Variants in SWT1 observed in about 807,000 individuals in gnomAD.
SWT1 encodes the protein transcriptional protein SWT1.
A neutral mutation model predicts 107.3 loss-of-function variants in SWT1; 33 were observed. The ratio of observed to expected loss-of-function variants is 0.31; its 90% CI spans 0.23 to 0.41. The LOEUF (loss-of-function observed/expected upper bound fraction) is 0.41, where lower values mean the gene tolerates loss of function less well. Among genes scored for constraint, SWT1 ranks in the 10% least tolerant of loss-of-function variants. The pLI is 1.00. For missense variants in SWT1, 898 were observed against 1,028.9 expected (o/e 0.87, Z 1.74); for synonymous variants, 345 against 348.3 (o/e 0.99, Z 0.11).
chr1:185,202,598 G>A (rs2102453596), intron 10 of SWT1, 56 bp from the exon 11 acceptor site: 1 of 1,479,168 alleles, frequency 6.8e-7, no homozygotes, highest in East Asian at 2.3e-5. Context: ...GATTTGCCAT[G>A]TGGTTTACCT....
chr1:185,208,377 A>G (rs977542300), intron 13 of SWT1, among the ~76,000 whole-genome samples: 4 of 152,176 alleles, frequency 2.6e-5, no homozygotes, highest in Non-Finnish European at 4.4e-5. Context: ...GTAGGGGATG[A>G]TAAGAGATTG....
At chr1:185,181,856 C>G (rs1239135982) in intron 6 of SWT1, 90 bp from the exon 7 acceptor site, 10 of 1,413,248 alleles carry the variant, frequency 7.1e-6, no homozygotes, top group Non-Finnish European at 7.8e-6. Context: ...TAAACCATCT[C>G]AAGTGAATTA....
At chr1:185,168,521 T>A in intron 4 of SWT1, 123 bp downstream of exon 4, 1 of 379,588 alleles carries the variant, frequency 2.6e-6, no homozygotes, top group Non-Finnish European at 4.5e-6. Context: ...TCTCTAGCTA[T>A]ATAACTGATT....
At chr1:185,172,322 A>G (rs1378366861) in intron 4 of SWT1, among the ~76,000 whole-genome samples, 1 of 152,210 alleles carries the variant, frequency 6.6e-6, no homozygotes, top group Non-Finnish European at 1.5e-5. Flanking sequence ...TGTTGAGACC[A>G]TATTATATGT....
At chr1:185,195,074 G>A (rs1657269193) in intron 10 of SWT1, among the ~76,000 whole-genome samples, 1 of 152,012 alleles carries the variant, frequency 6.6e-6, no homozygotes, top group African/African-American at 2.4e-5. Context: ...AGGTATACAC[G>A]TGCCATGGTG....
chr1:185,243,455 A>G (rs1172808285), intron 16 of SWT1, among the ~76,000 whole-genome samples: 1 of 152,122 alleles, frequency 6.6e-6, no homozygotes, highest in African/African-American at 2.4e-5. Flanking sequence ...TTGTGCCTCT[A>G]AATAACTTTT....
At chr1:185,215,154 T>C (rs1016684138) in intron 14 of SWT1, among the ~76,000 whole-genome samples, 1 of 152,208 alleles carries the variant, frequency 6.6e-6, no homozygotes, top group Non-Finnish European at 1.5e-5. Flanking sequence ...CCATATATAT[T>C]ATTTACCCTG....
chr1:185,158,077 C>T (rs1163868419), intron 1 of SWT1, among the ~76,000 whole-genome samples: 1 of 152,190 alleles, frequency 6.6e-6, no homozygotes, highest in Non-Finnish European at 1.5e-5. Flanking sequence ...AATTTAGTCT[C>T]AAGAACAAGA....
intron 10 of SWT1, among the ~76,000 whole-genome samples, chr1:185,201,498 G>A (rs1657878883): frequency 1.3e-5 from 2 of 152,180 alleles, no homozygotes; most frequent in Non-Finnish European, 2.9e-5. Context: ...CCCTTGGCTA[G>A]GGGAGGGAGT....
chr1:185,279,554 AT>A (rs764333423), intron 18 of SWT1, among the ~76,000 whole-genome samples: 1 of 152,008 alleles, frequency 6.6e-6, no homozygotes, highest in Non-Finnish European at 1.5e-5. Context: ...AAAAATGGTA[AT>A]TGCTGCTCAG....
Position 185,174,446 on chromosome 1 carries a change from A to G in SWT1, c.299A>G (p.Lys100Arg), listed in dbSNP as rs1450099422. 6.2e-7 allele frequency: 1 copy of G among 1,605,382 alleles called. No homozygotes were observed. The highest frequency in any genetic ancestry group is 1.7e-5 in the Admixed American group (1 of 57,460). The change falls in exon 5 of 19, where the codon AAA becomes AGA. Residue 100 changes from lysine (K) to arginine (R), a missense_variant. By Grantham distance (26) the Lys-to-Arg change is conservative. Transcript: ENST00000367500. ...GSSSQRPIKL[K>R]EASYSNDNQI... ...TCATCCCAAAGACCTATTAAACTCA[A>G]AGAAGCATCATATTCAAATGATAAT...
intron 12 of SWT1, among the ~76,000 whole-genome samples, chr1:185,205,930 C>T (rs1263620769): frequency 1.3e-5 from 2 of 151,950 alleles, no homozygotes; most frequent in Non-Finnish European, 2.9e-5. Flanking sequence ...ATAGGCATGT[C>T]TTTGCAAGAG....
rs1450187464 is a variant in SWT1 at position 185,206,795 on chromosome 1, G to A, written c.1972+32G>A. ...ATCTTTTATTTTTCTCTTTAGCAGT[G>A]TTGTATTAAGTCAGACTAGCAGATA... is the stretch of plus-strand genomic sequence containing the variant. On this transcript the variant is annotated intron_variant, in intron 13 of 18. Coordinates refer to ENST00000367500, the MANE Select transcript of SWT1 (RefSeq NM_017673.7). 8 of 1,491,370 alleles carry A rather than the reference G, an allele frequency of 5.4e-6. No individual in the cohort carries two copies. In the African/African-American group the frequency reaches 9.8e-5, roughly 18 times the overall value. The allele number at this position is 1,491,370 out of a possible 1,614,324, so 92.4% of individuals were successfully genotyped here.
At chr1:185,249,476 A>G (rs543189910) in intron 16 of SWT1, among the ~76,000 whole-genome samples, 10 of 152,230 alleles carry the variant, frequency 6.6e-5, no homozygotes, top group East Asian at 1.9e-4. Flanking sequence ...CCCAAGTCTT[A>G]TCCCTTTATA....
intron 4 of SWT1, among the ~76,000 whole-genome samples, chr1:185,173,662 T>A (rs558407241): frequency 1.3e-5 from 2 of 151,792 alleles, no homozygotes; most frequent in African/African-American, 2.4e-5. Context: ...TGAGCCAAGA[T>A]CGCGCCACTG....
At chr1:185,245,890 TC>T (rs537376762) in intron 16 of SWT1, among the ~76,000 whole-genome samples, 2 of 152,204 alleles carry the variant, frequency 1.3e-5, no homozygotes, top group African/African-American at 4.8e-5. Flanking sequence ...CACCTCAGCC[TC>T]CCAAGTAGCT....
intron 5 of SWT1, among the ~76,000 whole-genome samples, chr1:185,176,368 G>A (rs539195451): frequency 2.0e-5 from 3 of 148,648 alleles, no homozygotes; most frequent in South Asian, 2.1e-4. Flanking sequence ...AGAATGAGTC[G>A]AAGTTACTTA....
intron 18 of SWT1, among the ~76,000 whole-genome samples, chr1:185,286,943 G>A (rs1047678772): frequency 1.3e-5 from 2 of 151,988 alleles, no homozygotes; most frequent in African/African-American, 4.8e-5. Flanking sequence ...TTCTTTTACC[G>A]TTGATGTTAG....
chr1:185,193,054 CAG>C (rs1272600685), intron 10 of SWT1, among the ~76,000 whole-genome samples: 1 of 152,124 alleles, frequency 6.6e-6, no homozygotes, highest in Non-Finnish European at 1.5e-5. Flanking sequence ...AGCACTTCTG[CAG>C]TTGTATCCCA....
Sources: allele counts gnomAD v4.1 joint callset (sites outside exome capture counted in the v4.1 genomes callset), GRCh38; gene constraint gnomAD v4.1.1; transcripts MANE v1.5; gene names NCBI Gene and HGNC (gene_info 2026-07-23, HGNC 2026-07-21).